Variants in AHCTF1 observed in about 807,000 individuals in gnomAD.
The protein encoded by AHCTF1 is AT-hook containing transcription factor 1.
AHCTF1 carries 24 observed loss-of-function variants against 248.4 expected under a neutral mutation model. The observed-to-expected ratio is 0.10, with a 90% CI of 0.07 to 0.14. The LOEUF (loss-of-function observed/expected upper bound fraction) is 0.14. Ranked by LOEUF, AHCTF1 falls within the 10% of genes least tolerant of loss-of-function variation. The pLI is 1.00. For missense variants in AHCTF1, 2,206 were observed against 2,636.2 expected, an observed-to-expected ratio of 0.84 and a Z score of 3.57; for synonymous variants, 786 against 929.8, an observed-to-expected ratio of 0.85 and a Z score of 2.81.
In AHCTF1 at chr1:246,861,196, A is replaced by G; in HGVS notation, c.3835T>C (p.Phe1279Leu). ...WLKSKDRTTSFFLNSPEKEHQ... is the reference protein window; with the variant it reads ...WLKSKDRTTSLFLNSPEKEHQ... ...TCCTTTTCAGGGCTGTTCAGGAAAA[A>G]AGATGTGGTCCTATCTTTGCTCTTC... The change falls in exon 29 of 36, where the codon TTT becomes CTT. Residue 1279 changes from phenylalanine (F) to leucine (L), a missense_variant. This residue lies in a region of AHCTF1 where 955 missense variants were observed against 1,055.6 expected (regional missense o/e 0.90). Transcript: ENST00000648844. The G allele has an allele frequency of 6.2e-7, 1 of 1,613,708 alleles. No homozygotes were observed. The highest frequency in any genetic ancestry group is 2.2e-5 in the East Asian group (1 of 44,882).
chr1:246,855,750 A>C lies in AHCTF1; in HGVS notation c.4334T>G (p.Ile1445Ser), dbSNP rs1661066521. ...CATACATTTATTGTCATTTGCTCTAATTGCAGGGGTGTAGGTTTCAACAGA... is the reference window on the plus strand; with the variant it reads ...CATACATTTATTGTCATTTGCTCTACTTGCAGGGGTGTAGGTTTCAACAGA... Reference protein sequence around the residue: ...LTSVETYTPAIRANDNKSMAD... With the variant: ...LTSVETYTPASRANDNKSMAD... Residue 1445 changes from isoleucine to serine, a missense_variant, in exon 31 of 36, where the codon ATT (isoleucine) becomes AGT (serine). Around this residue, in one of 6 missense-constraint regions of AHCTF1, gnomAD observed 955 missense variants for 1,055.6 expected, o/e 0.90. Transcript: ENST00000648844. The C allele has an allele frequency of 1.2e-6, 2 of 1,612,256 alleles. No individual in the cohort carries two copies. The highest frequency in any genetic ancestry group is 1.7e-6 in the Non-Finnish European group (2 of 1,179,104).
intron 33 of AHCTF1, 105 bp downstream of exon 33, chr1:246,849,510 G>A: frequency 7.0e-7 from 1 of 1,433,988 alleles, no homozygotes; most frequent in East Asian, 2.3e-5. Context: ...GTTTGAGGGG[G>A]GAAGGGGAAA....
chr1:246,872,204 CAGATCAAGG>C (rs1662646901), intron 24 of AHCTF1, among the ~76,000 whole-genome samples: 1 of 151,944 alleles, frequency 6.6e-6, no homozygotes, highest in African/African-American at 2.4e-5. Context: ...AAAGATAAAA[CAGATCAAGG>C]ATCTAACAGG....
rs753005586 is a variant in AHCTF1, at chr1:246,861,083, C to T, written c.3948G>A (p.Glu1316=). Residue 1316 remains glutamate (E), a synonymous_variant, in exon 29 of 36, where the codon GAG becomes GAA. Coordinates refer to ENST00000648844, the MANE Select transcript of AHCTF1 (RefSeq NM_001323342.2). Reference sequence around the variant, plus strand: ...GTGCATCCTGATACTCTAAGGTAGTCTCATCGGATGTGATTGAAACACTGC... The same window carrying T: ...GTGCATCCTGATACTCTAAGGTAGTTTCATCGGATGTGATTGAAACACTGC... ...GNSSVSITSD[E]TTLEYQDAPS... is the part of the protein sequence containing the mutation. The T allele has an allele frequency of 1.9e-6, 3 of 1,614,090 alleles. No individual in the cohort carries two copies. The South Asian group carries it at 3.3e-5, about 18-fold the overall frequency.
At chr1:246,875,118 C>T (rs1374516698) in intron 24 of AHCTF1, among the ~76,000 whole-genome samples, 1 of 152,194 alleles carries the variant, frequency 6.6e-6, no homozygotes, top group Non-Finnish European at 1.5e-5. Flanking sequence ...CTACGACTTC[C>T]TTACCATGAC....
chr1:246,923,757 G>A (rs982274722), intron 1 of AHCTF1, among the ~76,000 whole-genome samples: 4 of 151,652 alleles, frequency 2.6e-5, no homozygotes, highest in Non-Finnish European at 4.4e-5. Flanking sequence ...GTGTGTGTGC[G>A]CGTAGCACAC....
intron 26 of AHCTF1, chr1:246,865,164 G>T (rs1268905263): frequency 6.6e-6 from 1 of 152,092 alleles, no homozygotes; most frequent in Non-Finnish European, 1.5e-5. Context: ...CTCTCTTCTC[G>T]ATTTCCTAAT....
At chr1:246,842,587 A>C (rs1659952985) in intron 35 of AHCTF1, 107 bp downstream of exon 35, 2 of 874,300 alleles carry the variant, frequency 2.3e-6, no homozygotes, top group Non-Finnish European at 3.1e-6. Context: ...GTCTCAAAAA[A>C]AATAAATAAA....
At chr1:246,851,680 AT>A (rs1660729594) in intron 32 of AHCTF1, among the ~76,000 whole-genome samples, 1 of 152,182 alleles carries the variant, frequency 6.6e-6, no homozygotes, top group Non-Finnish European at 1.5e-5. Context: ...GAAATTCTAC[AT>A]TTCCCTAGCT....
At chr1:246,901,125 G>A (rs1200931642) in intron 8 of AHCTF1, among the ~76,000 whole-genome samples, 3 of 152,076 alleles carry the variant, frequency 2.0e-5, no homozygotes, top group Non-Finnish European at 4.4e-5. Context: ...GATCAATTGA[G>A]CCCAGAAATT....
chr1:246,911,442 A>G (rs1270469263), intron 4 of AHCTF1, among the ~76,000 whole-genome samples: 1 of 150,758 alleles, frequency 6.6e-6, no homozygotes, highest in Non-Finnish European at 1.5e-5. Flanking sequence ...TTGTATACAT[A>G]CCAAATTTTA....
chr1:246,927,352 G>A (rs778622677), intron 1 of AHCTF1, among the ~76,000 whole-genome samples: 3 of 152,150 alleles, frequency 2.0e-5, no homozygotes, highest in Middle Eastern at 3.4e-3. Flanking sequence ...AGCCAGCCAC[G>A]GCTGCATACG....
chr1:246,897,997 G>C (rs897105005), intron 12 of AHCTF1, among the ~76,000 whole-genome samples: 18 of 152,148 alleles, frequency 1.2e-4, no homozygotes, highest in African/African-American at 3.6e-4. Context: ...CTTCTATACA[G>C]CTAAGTCAAC....
intron 8 of AHCTF1, among the ~76,000 whole-genome samples, chr1:246,901,763 A>G (rs1665017582): frequency 6.6e-6 from 1 of 152,200 alleles, no homozygotes; most frequent in Non-Finnish European, 1.5e-5. Flanking sequence ...GGCTGCAACC[A>G]GCCAAGATCA....
intron 20 of AHCTF1, among the ~76,000 whole-genome samples, chr1:246,885,962 G>A (rs970448802): frequency 6.6e-6 from 1 of 152,156 alleles, no homozygotes. Flanking sequence ...CAAGACAAGC[G>A]GACTGCTTGA....
rs769780387 is a variant in AHCTF1, at chr1:246,898,193, TA to T, written c.1623+14del. 6.2e-7 allele frequency: 1 copy of T among 1,611,570 alleles called. No individual in the cohort carries two copies. The highest frequency in any genetic ancestry group is 8.5e-7 in the Non-Finnish European group (1 of 1,179,782). ...ATCCAACCAAAAGAAACAATAGAGT[TA>T]AAAATCATCTCACTTGGCTTAAACT... On this transcript the variant is annotated intron_variant, in intron 12 of 35. Transcript: ENST00000648844.
chr1:246,930,829 T>G (rs1170125933), intron 1 of AHCTF1, among the ~76,000 whole-genome samples: 1 of 152,138 alleles, frequency 6.6e-6, no homozygotes, highest in Non-Finnish European at 1.5e-5. Flanking sequence ...TTCCAAAAAT[T>G]TCTACAACTG....
rs1369401655 is a variant in AHCTF1, at chr1:246,863,910, G to GCGTA, written c.3540+10_3540+13dup. The GCGTA allele has an allele frequency of 6.2e-7, 1 of 1,612,556 alleles. No individual in the cohort carries two copies. The highest frequency in any genetic ancestry group is 1.7e-5 in the Admixed American group (1 of 59,916). ...TCTAGTTTGATTGTGAACGCTAGATGCGTAAATACTAACCTTAACTACAAG... is the reference window on the plus strand; with the variant it reads ...TCTAGTTTGATTGTGAACGCTAGATGCGTACGTAAATACTAACCTTAACTACAAG... On this transcript the variant is annotated intron_variant, in intron 27 of 35. Transcript: ENST00000648844.
chr1:246,850,316 G>C lies in AHCTF1; in HGVS notation c.5690C>G (p.Thr1897Arg), dbSNP rs1247715184. The change falls in exon 33 of 36, where the codon ACA becomes AGA. Residue 1897 changes from threonine to arginine, a missense_variant. Transcript: ENST00000648844. ...TTTTCTGATCATTCTGCTAGGACTTGTTACCGTACTAACTTTTAGATCATT... is the reference window on the plus strand; with the variant it reads ...TTTTCTGATCATTCTGCTAGGACTTCTTACCGTACTAACTTTTAGATCATT... ...IINDLKVSTV[T>R]SPSRMIRKLR... is the part of the protein sequence containing the mutation. 2 of 1,613,816 alleles carry C rather than the reference G, an allele frequency of 1.2e-6. No homozygotes were observed. Among genetic ancestry groups the C allele is most frequent in the East Asian group, 2.2e-5 (1 of 44,876 alleles).
Sources: gnomAD v4.1 joint callset for allele counts (sites outside exome capture counted in the v4.1 genomes callset) on GRCh38, gnomAD v4.1.1 for gene constraint, gnomAD v4.1.1 regional missense constraint, MANE v1.5 for transcripts, NCBI Gene and HGNC (gene_info 2026-07-23, HGNC 2026-07-21) for gene names.